The following ANKRD42 variants were observed in gnomAD, a reference collection of about 807,000 sequenced individuals.
The protein encoded by ANKRD42 is ankyrin repeat domain-containing protein 42.
A neutral mutation model predicts 51.5 loss-of-function variants in ANKRD42; 43 were observed. That is an observed-to-expected ratio of 0.83 (90% CI 0.65 to 1.08). ANKRD42 has a LOEUF of 1.08. ANKRD42 is among the 50% of genes least tolerant of loss of function. The probability of loss-of-function intolerance (pLI) is 0.00; values close to 1 mark genes in which losing one functional copy is unlikely to be tolerated. For missense variants in ANKRD42, 608 were observed against 629.3 expected (o/e 0.97, Z 0.36); for synonymous variants, 203 against 213.0 (o/e 0.95, Z 0.41).
rs1361904330 is a variant in ANKRD42 at position 83,236,962 on chromosome 11, T to C, written c.1019+453T>C. On this transcript the variant is annotated intron_variant, in intron 8 of 10. Coordinates refer to ENST00000533342, the MANE Select transcript of ANKRD42 (RefSeq NM_001300975.2). ...AAGTGACTTGGATTTTGAAACATAT[T>C]TTGCAATTTACATCCGAATTAAATA... Among the ~76,000 whole-genome samples the C allele has an allele frequency of 2.6e-5, 4 of 152,226 alleles. No homozygotes were observed. In the East Asian group the frequency reaches 7.7e-4, roughly 29 times the overall value.
At chr11:83,213,306 C>T (rs1862400677) in intron 5 of ANKRD42, 1 of 1,590,250 alleles carries the variant, frequency 6.3e-7, no homozygotes, top group Non-Finnish European at 8.5e-7. Flanking sequence ...GAGATGTTTC[C>T]TCCAAGAACT....
At chr11:83,209,061 T>G (rs1292988111) in intron 3 of ANKRD42, among the ~76,000 whole-genome samples, 1 of 152,234 alleles carries the variant, frequency 6.6e-6, no homozygotes, top group African/African-American at 2.4e-5. Flanking sequence ...AAACTTGATT[T>G]GGAGCTTAGA....
downstream of ANKRD42, among the ~76,000 whole-genome samples, chr11:83,258,494 G>A (rs1396645305): frequency 2.6e-5 from 4 of 152,112 alleles, no homozygotes; most frequent in Admixed American, 2.6e-4. Flanking sequence ...TTAAAGACTT[G>A]AGTCCCTGTG....
chr11:83,215,446 T>C (rs1458239254), intron 5 of ANKRD42, among the ~76,000 whole-genome samples: 1 of 152,148 alleles, frequency 6.6e-6, no homozygotes. Context: ...CTACATTCAG[T>C]GTTGTTATTG....
At chr11:83,262,087 CTA>C (rs1466903578), downstream of ANKRD42, 2 of 634,986 alleles carry the variant, frequency 3.1e-6, no homozygotes. Flanking sequence ...ATTTTCTATC[CTA>C]TGTTTTTTAT....
intron 6 of ANKRD42, among the ~76,000 whole-genome samples, chr11:83,225,258 G>A (rs1276737453): frequency 6.6e-6 from 1 of 152,112 alleles, no homozygotes; most frequent in Non-Finnish European, 1.5e-5. Flanking sequence ...TCTTTACTAT[G>A]AAATATTTTA....
downstream of ANKRD42, among the ~76,000 whole-genome samples, chr11:83,252,120 A>G (rs1863686240): frequency 6.6e-6 from 1 of 152,272 alleles, no homozygotes; most frequent in Non-Finnish European, 1.5e-5. Context: ...GCATTTCACA[A>G]AAGAAGATAT....
At chr11:83,201,314 G>A (rs892141258) in intron 2 of ANKRD42, among the ~76,000 whole-genome samples, 4 of 152,108 alleles carry the variant, frequency 2.6e-5, no homozygotes, top group African/African-American at 9.7e-5. Flanking sequence ...CCATGGCCCC[G>A]CAAAGGACGT....
In ANKRD42 at chr11:83,227,816, A is replaced by T. The variant is rs374797808; in HGVS notation, c.857A>T (p.Asp286Val). ...GGGATGCTTAAGAAATTAGTGGAAGATGGAGTAATCAATATTAATGAGCGT... is the reference window on the plus strand; with the variant it reads ...GGGATGCTTAAGAAATTAGTGGAAGTTGGAGTAATCAATATTAATGAGCGT... ...DLGMLKKLVE[D>V]GVININERAD... Residue 286 changes from aspartate to valine, a missense_variant, in exon 7 of 11, where the codon GAT (aspartate) becomes GTT (valine). Coordinates refer to ENST00000533342, the MANE Select transcript of ANKRD42 (RefSeq NM_001300975.2). 43 of 1,613,508 alleles carry T rather than the reference A, an allele frequency of 2.7e-5. No individual in the cohort carries two copies. The highest frequency in any genetic ancestry group is 3.3e-5 in the Non-Finnish European group (39 of 1,179,816).
chr11:83,212,823 T>C, intron 5 of ANKRD42: 8 of 1,447,728 alleles, frequency 5.5e-6, no homozygotes, highest in Non-Finnish European at 7.3e-6. Context: ...TTTAGTGAAG[T>C]CTTTTGGTAT....
At chr11:83,214,228 T>A (rs1862440921) in intron 5 of ANKRD42, 1 of 173,666 alleles carries the variant, frequency 5.8e-6, no homozygotes, top group Admixed American at 6.5e-5. Flanking sequence ...TAATAATCTC[T>A]TCCTTTGTAG....
intron 5 of ANKRD42, among the ~76,000 whole-genome samples, chr11:83,223,079 G>A (rs1234497436): frequency 6.6e-6 from 1 of 152,026 alleles, no homozygotes; most frequent in East Asian, 1.9e-4. Context: ...GGTGAAACCC[G>A]TCTCTACTAA....
At chr11:83,213,584 G>T in intron 5 of ANKRD42, 1 of 1,146,752 alleles carries the variant, frequency 8.7e-7, no homozygotes, top group Non-Finnish European at 1.1e-6. Flanking sequence ...CTTTCTGATG[G>T]ATGTATCTCA....
intron 2 of ANKRD42, among the ~76,000 whole-genome samples, chr11:83,198,904 A>G (rs1265002362): frequency 6.6e-6 from 1 of 152,330 alleles, no homozygotes. Flanking sequence ...TCTCTGCTCC[A>G]TGATATCTGG....
chr11:83,238,605 C>T (rs1230356342), intron 8 of ANKRD42, among the ~76,000 whole-genome samples: 4 of 151,894 alleles, frequency 2.6e-5, no homozygotes, highest in Non-Finnish European at 5.9e-5. Flanking sequence ...CCGAGGCGGG[C>T]GGATCACCTG....
rs143312508 is a variant in ANKRD42, at chr11:83,240,819, C to A, written c.1080C>A (p.Asp360Glu). 6.2e-7 allele frequency: 1 copy of A among 1,613,706 alleles called. No individual in the cohort carries two copies. Among genetic ancestry groups the A allele is most frequent in the Non-Finnish European group, 8.5e-7 (1 of 1,179,946 alleles). ...LEELQKYDIDDENEIDENDVK... is the reference protein window; with the variant it reads ...LEELQKYDIDEENEIDENDVK... Reference sequence around the variant, plus strand: ...AGCTACAGAAATATGATATAGATGACGAAAATGAAATTGATGAAAATGATG... The same window carrying A: ...AGCTACAGAAATATGATATAGATGAAGAAAATGAAATTGATGAAAATGATG... The change falls in exon 9 of 11, where the codon GAC (aspartate) becomes GAA (glutamate). Residue 360 changes from aspartate (D) to glutamate (E), a missense_variant. Physicochemically the swap from Asp to Glu is conservative, Grantham distance 45. Transcript: ENST00000533342.
At chr11:83,262,681 C>T (rs1021335694), downstream of ANKRD42, among the ~76,000 whole-genome samples, 2 of 152,128 alleles carry the variant, frequency 1.3e-5, no homozygotes, top group Admixed American at 6.5e-5. Context: ...AATAAAGACA[C>T]AAGAAATTAG....
rs1286426989 is a variant in ANKRD42 at position 83,194,048 on chromosome 11, T to G, written c.-623T>G. The G allele has an allele frequency of 2.2e-6, 1 of 456,508 alleles. No individual in the cohort carries two copies. The highest frequency in any genetic ancestry group is 4.4e-6 in the Non-Finnish European group (1 of 226,796). The allele number at this position is 456,508 out of a possible 1,614,324, so 28.3% of individuals were successfully genotyped here. A position where few individuals can be genotyped will look rare whatever the true frequency, so the allele number is the denominator to read the frequency against. ...GACTTGAGAAGGGTCAGTGAAAACC[T>G]CGGCCACTGCCGCAGCGTCTCTAGG... is the stretch of plus-strand genomic sequence containing the variant. On this transcript the variant is annotated 5_prime_UTR_variant, in exon 1 of 11. Coordinates refer to ENST00000533342, the MANE Select transcript of ANKRD42 (RefSeq NM_001300975.2).
chr11:83,193,830 G>A lies in ANKRD42; in HGVS notation c.-841G>A, dbSNP rs561384250. On this transcript the variant is annotated 5_prime_UTR_variant, in exon 1 of 11. Coordinates refer to ENST00000533342, the MANE Select transcript of ANKRD42 (RefSeq NM_001300975.2). ...GCGGCCGCCGCTACGGCGATTCGCAGGGAGTAGCAGACGAAGACGGTGGCC... is the reference window on the plus strand; with the variant it reads ...GCGGCCGCCGCTACGGCGATTCGCAAGGAGTAGCAGACGAAGACGGTGGCC... The A allele has an allele frequency of 9.7e-5, 44 of 455,590 alleles. No homozygotes were observed. Among genetic ancestry groups the A allele is most frequent in the African/African-American group, 6.4e-4 (32 of 50,140 alleles). 28.2% of individuals were successfully genotyped at this position (455,590 alleles called of 1,614,324 possible). A position where few individuals can be genotyped will look rare whatever the true frequency, so the allele number is the denominator to read the frequency against.
Sources: allele counts gnomAD v4.1 joint callset (sites outside exome capture counted in the v4.1 genomes callset), GRCh38; gene constraint gnomAD v4.1.1; transcripts MANE v1.5; gene names NCBI Gene and HGNC (gene_info 2026-07-23, HGNC 2026-07-21).